The following GCSAML variants were observed in gnomAD, a reference collection of about 807,000 sequenced individuals.
GCSAML encodes the protein germinal center-associated signaling and motility-like protein.
Under a neutral mutation model 13.0 loss-of-function variants are expected in GCSAML, and 9 were observed. The observed-to-expected ratio is 0.69, with a 90% CI of 0.42 to 1.21. GCSAML has a LOEUF of 1.21. Among genes scored for constraint, GCSAML ranks in the 50% most tolerant of loss-of-function variants. GCSAML has a pLI of 0.00. For synonymous variants in GCSAML, 37 were observed against 52.9 expected (o/e 0.70, Z 1.31); for missense variants, 143 against 153.4 (o/e 0.93, Z 0.36).
At position 247,576,447 on chromosome 1, in the gene GCSAML, A is replaced by T. The variant is rs1179407809; in HGVS notation, c.*2065A>T. The T allele has an allele frequency of 2.0e-5, 3 of 152,068 alleles. No individual in the cohort carries two copies. Among genetic ancestry groups the T allele is most frequent in the Non-Finnish European group, 2.9e-5 (2 of 68,068 alleles). 9.4% of individuals were successfully genotyped at this position (152,068 alleles called of 1,614,324 possible). A position where few individuals can be genotyped will look rare whatever the true frequency, so the allele number is the denominator to read the frequency against. ...GTAGTCCCAGGTACTCAGGAGGCTG[A>T]GGTAGTAGGATTGTTTGAGACTGGG... On this transcript the variant is annotated 3_prime_UTR_variant, in exon 5 of 5. Coordinates refer to ENST00000366488, the MANE Select transcript of GCSAML (RefSeq NM_145278.5).
chr1:247,571,128 C>T (rs1254929040), intron 4 of GCSAML, among the ~76,000 whole-genome samples: 2 of 152,174 alleles, frequency 1.3e-5, no homozygotes, highest in African/African-American at 2.4e-5. Context: ...GAATACAGCA[C>T]ACTGATGGAT....
At position 247,556,388 on chromosome 1, in the gene GCSAML, C is replaced by A; in HGVS notation, c.30-19C>A. On this transcript the variant is annotated intron_variant, in intron 1 of 4. Transcript: ENST00000366488. ...AGGGCAGTAACAATCTCTCTTTTTT[C>A]TTATGTGTTTCCATATAGTTGCCTG... is the stretch of plus-strand genomic sequence containing the variant. The A allele has an allele frequency of 6.3e-7, 1 of 1,584,296 alleles. No homozygotes were observed. Among genetic ancestry groups the A allele is most frequent in the Non-Finnish European group, 8.6e-7 (1 of 1,156,718 alleles).
At chr1:247,507,595 C>T (rs1438985839) in intron 1 of GCSAML, among the ~76,000 whole-genome samples, 1 of 152,066 alleles carries the variant, frequency 6.6e-6, no homozygotes, top group Non-Finnish European at 1.5e-5. Flanking sequence ...AGCATGTATA[C>T]ACGTGCCATG....
intron 1 of GCSAML, among the ~76,000 whole-genome samples, chr1:247,508,054 G>A (rs1431833637): frequency 1.3e-5 from 2 of 152,132 alleles, no homozygotes; most frequent in African/African-American, 2.4e-5. Context: ...TGGGTCAAAT[G>A]GTATTTCTGG....
intron 1 of GCSAML, among the ~76,000 whole-genome samples, chr1:247,522,581 C>G (rs954087659): frequency 6.6e-6 from 1 of 152,206 alleles, no homozygotes; most frequent in Non-Finnish European, 1.5e-5. Flanking sequence ...AAAAATTATT[C>G]TGCCTTGGGA....
intron 3 of GCSAML, among the ~76,000 whole-genome samples, chr1:247,565,273 G>T (rs572474128): frequency 6.6e-6 from 1 of 151,856 alleles, no homozygotes; most frequent in Non-Finnish European, 1.5e-5. Context: ...CAGGAGAATC[G>T]CTTGAACCCA....
chr1:247,561,278 C>A (rs1572361950), intron 2 of GCSAML, among the ~76,000 whole-genome samples: 1 of 152,106 alleles, frequency 6.6e-6, no homozygotes, highest in Non-Finnish European at 1.5e-5. Flanking sequence ...ATAGAGCATA[C>A]TTGTACATAT....
chr1:247,574,185 G>C lies in GCSAML; in HGVS notation c.211G>C (p.Val71Leu), dbSNP rs1056179193. The change falls in exon 5 of 5, where the codon GTC becomes CTC. Residue 71 changes from valine to leucine, a missense_variant. Transcript: ENST00000366488. ...TGGTTCTGAAGAAGTGTGCTACACT[G>C]TCATTAATCACATCCCCCATCAGAG... ...GSGSEEVCYT[V>L]INHIPHQRSS... The C allele has an allele frequency of 1.2e-6, 2 of 1,614,076 alleles. No individual in the cohort carries two copies. Among genetic ancestry groups the C allele is most frequent in the East Asian group, 4.5e-5 (2 of 44,874 alleles).
chr1:247,520,438 CAG>C (rs1483117467), intron 1 of GCSAML, among the ~76,000 whole-genome samples: 2 of 152,140 alleles, frequency 1.3e-5, no homozygotes, highest in African/African-American at 2.4e-5. Context: ...CAACTTTTCT[CAG>C]AGTCTCCAGC....
At chr1:247,510,093 G>A (rs1665977377) in intron 1 of GCSAML, among the ~76,000 whole-genome samples, 1 of 152,052 alleles carries the variant, frequency 6.6e-6, no homozygotes, top group Non-Finnish European at 1.5e-5. Flanking sequence ...GCTCCTCCTT[G>A]TACCTCTGGT....
intron 2 of GCSAML, among the ~76,000 whole-genome samples, chr1:247,557,821 G>A (rs1337154524): frequency 2.0e-5 from 3 of 152,152 alleles, no homozygotes; most frequent in Non-Finnish European, 2.9e-5. Flanking sequence ...ATTGAACCAA[G>A]GTTCTTTTAT....
chr1:247,508,393 C>A (rs575855856), intron 1 of GCSAML, among the ~76,000 whole-genome samples: 4 of 152,000 alleles, frequency 2.6e-5, no homozygotes, highest in African/African-American at 7.2e-5. Context: ...TGTTTAAGTT[C>A]TTTGTAGATT....
chr1:247,526,470 C>T lies in GCSAML; in HGVS notation c.-262-470C>T, dbSNP rs1332362305. 2 of 158,652 alleles carry T rather than the reference C, an allele frequency of 1.3e-5. No homozygotes were observed. The highest frequency in any genetic ancestry group is 6.1e-5 in the Admixed American group (1 of 16,266). The allele number at this position is 158,652 out of a possible 1,614,324, so 9.8% of individuals were successfully genotyped here. A position where few individuals can be genotyped will look rare whatever the true frequency, so the allele number is the denominator to read the frequency against. On this transcript the variant is annotated intron_variant, in intron 1 of 5. Coordinates refer to the GCSAML transcript ENST00000366489. The surrounding 1 kb of genome is among the most constrained non-coding windows in gnomAD (Gnocchi z 4.8). ...AAGGACAAAGAGGGTTTGGCCATGA[C>T]CAAGGGTGACTGGTGCTCCATCCTT...
chr1:247,513,798 G>GCTTCCT (rs1666123671), intron 1 of GCSAML, among the ~76,000 whole-genome samples: 2 of 152,278 alleles, frequency 1.3e-5, no homozygotes, highest in Non-Finnish European at 2.9e-5. Context: ...TCCTGGGTGA[G>GCTTCCT]GCAATGCTCC....
At chr1:247,509,734 G>A (rs1282563529) in intron 1 of GCSAML, among the ~76,000 whole-genome samples, 1 of 152,148 alleles carries the variant, frequency 6.6e-6, no homozygotes, top group African/African-American at 2.4e-5. Context: ...TTTATTGAAG[G>A]CCTTTTCTAC....
At chr1:247,572,373 G>T (rs1449295133) in intron 4 of GCSAML, among the ~76,000 whole-genome samples, 1 of 152,118 alleles carries the variant, frequency 6.6e-6, no homozygotes, top group Non-Finnish European at 1.5e-5. Context: ...GGTGACCTTT[G>T]TATGGAGTTT....
At chr1:247,544,499 A>G (rs1055296731), upstream of GCSAML, among the ~76,000 whole-genome samples, 2 of 152,190 alleles carry the variant, frequency 1.3e-5, no homozygotes, top group African/African-American at 4.8e-5. Context: ...TGTGACCACA[A>G]AGGTACATTC....
chr1:247,548,632 G>C (rs1667659791), upstream of GCSAML, among the ~76,000 whole-genome samples: 1 of 152,106 alleles, frequency 6.6e-6, no homozygotes, highest in Non-Finnish European at 1.5e-5. This position sits in a 1 kb window ranked among gnomAD's most constrained non-coding sequence, Gnocchi z 5.3. Flanking sequence ...TTTTCCCCAA[G>C]AAGAGGCTTT....
At chr1:247,518,764 A>G (rs1666312489) in intron 1 of GCSAML, among the ~76,000 whole-genome samples, 1 of 152,248 alleles carries the variant, frequency 6.6e-6, no homozygotes, top group Non-Finnish European at 1.5e-5. Context: ...CAAGGCGGGC[A>G]GATCGCTTGA....
Sources: gnomAD v4.1 joint callset for allele counts (sites outside exome capture counted in the v4.1 genomes callset) on GRCh38, gnomAD v4.1.1 for gene constraint, Gnocchi (gnomAD v3.1) non-coding constraint, MANE v1.5 for transcripts, NCBI Gene and HGNC (gene_info 2026-07-23, HGNC 2026-07-21) for gene names.